Variants in LCORL observed in about 807,000 individuals in gnomAD.
LCORL encodes the protein ligand-dependent nuclear receptor corepressor-like protein.
LCORL carries 41 observed loss-of-function variants against 141.8 expected under a neutral mutation model. That is an observed-to-expected ratio of 0.29 (90% CI 0.23 to 0.38). The LOEUF is 0.38. LCORL is among the 10% of genes least tolerant of loss of function. The pLI, the probability that LCORL is intolerant of heterozygous loss-of-function variation, is 1.00. For synonymous variants in LCORL, 618 were observed against 694.1 expected (o/e 0.89, Z 1.72); for missense variants, 1,759 against 2,035.0 (o/e 0.86, Z 2.61).
intron 1 of LCORL, among the ~76,000 whole-genome samples, chr4:18,001,967 C>T (rs2109830816): frequency 6.6e-6 from 1 of 152,120 alleles, no homozygotes; most frequent in East Asian, 1.9e-4. Context: ...CTATATCCAT[C>T]CACACACATA....
At chr4:17,870,376 C>T (rs1037224243) in intron 7 of LCORL, among the ~76,000 whole-genome samples, 5 of 152,152 alleles carry the variant, frequency 3.3e-5, no homozygotes, top group African/African-American at 1.2e-4. Context: ...TGAAAACACT[C>T]CTCTTCCAAC....
intron 5 of LCORL, among the ~76,000 whole-genome samples, chr4:17,887,178 T>C (rs1309767519): frequency 6.6e-6 from 1 of 152,006 alleles, no homozygotes; most frequent in African/African-American, 2.4e-5. Context: ...CAATAATTTA[T>C]TGAGCGCTCA....
intron 4 of LCORL, among the ~76,000 whole-genome samples, chr4:17,941,267 T>G (rs141922033): frequency 2.0e-5 from 3 of 152,186 alleles, no homozygotes; most frequent in Non-Finnish European, 4.4e-5. Flanking sequence ...TCCCACCTAC[T>G]CGGGAGGCTG....
At chr4:17,855,415 T>C (rs1042152400) in intron 7 of LCORL, among the ~76,000 whole-genome samples, 16 of 152,310 alleles carry the variant, frequency 1.1e-4, no homozygotes, top group African/African-American at 3.4e-4. Context: ...CTGCAAAAAC[T>C]GACATGGTTT....
intron 4 of LCORL, among the ~76,000 whole-genome samples, chr4:17,948,202 A>AGG (rs1428378499): frequency 6.6e-6 from 1 of 152,002 alleles, no homozygotes; most frequent in Non-Finnish European, 1.5e-5. Context: ...AATAGGATTG[A>AGG]GGGGACCTGG....
chr4:17,895,983 A>T, intron 5 of LCORL, among the ~76,000 whole-genome samples: 1 of 152,178 alleles, frequency 6.6e-6, no homozygotes, highest in East Asian at 1.9e-4. Context: ...GGCTATTATG[A>T]ATAATGCTGT....
chr4:17,967,416 T>C (rs1459249061), intron 2 of LCORL, among the ~76,000 whole-genome samples: 1 of 152,142 alleles, frequency 6.6e-6, no homozygotes, highest in African/African-American at 2.4e-5. Context: ...GGAATTTTGT[T>C]AATAATAATT....
At chr4:17,934,569 T>C (rs1363727526) in intron 4 of LCORL, among the ~76,000 whole-genome samples, 2 of 152,178 alleles carry the variant, frequency 1.3e-5, no homozygotes, top group East Asian at 3.8e-4. Flanking sequence ...AGAGATGCTA[T>C]TTATTCCTTA....
intron 1 of LCORL, among the ~76,000 whole-genome samples, chr4:17,987,040 G>A (rs545325614): frequency 1.3e-5 from 2 of 152,158 alleles, no homozygotes; most frequent in Admixed American, 6.5e-5. Context: ...GTGAATACGA[G>A]TGTGCATTTG....
chr4:17,960,449 G>A (rs1030731841), intron 4 of LCORL: 2 of 153,796 alleles, frequency 1.3e-5, no homozygotes, highest in African/African-American at 4.8e-5. Context: ...AAAGGAAAAA[G>A]AGACTGAGTA....
At chr4:17,899,281 T>C (rs1000454446) in intron 5 of LCORL, among the ~76,000 whole-genome samples, 1 of 152,218 alleles carries the variant, frequency 6.6e-6, no homozygotes, top group Admixed American at 6.5e-5. Flanking sequence ...CTTTTGTTTA[T>C]ACATTGAAAT....
intron 4 of LCORL, among the ~76,000 whole-genome samples, chr4:17,913,563 G>A (rs967375694): frequency 1.3e-5 from 2 of 152,122 alleles, no homozygotes; most frequent in South Asian, 2.1e-4. Flanking sequence ...AAGAAATAAC[G>A]TCTGTTTATT....
chr4:18,012,642 C>T (rs1723983466), intron 1 of LCORL, among the ~76,000 whole-genome samples: 1 of 152,030 alleles, frequency 6.6e-6, no homozygotes, highest in South Asian at 2.1e-4. Flanking sequence ...ACACATACCA[C>T]ATCTCAGTAA....
chr4:17,844,591 A>ATGAT (rs1189707974), exon 8 of LCORL: 1 of 152,420 alleles, frequency 6.6e-6, no homozygotes, highest in African/African-American at 2.4e-5. Flanking sequence ...TTAAAAATAG[A>ATGAT]TGATTGTTCT....
chr4:17,858,742 A>AATAATAATAATC (rs1405964465), intron 7 of LCORL, among the ~76,000 whole-genome samples: 1 of 151,306 alleles, frequency 6.6e-6, no homozygotes, highest in African/African-American at 2.4e-5. Flanking sequence ...TAATAATAAT[A>AATAATAATAATC]ATAATAATAA....
chr4:17,842,987 G>GA, exon 8 of LCORL: 1 of 177,834 alleles, frequency 5.6e-6, no homozygotes, highest in Non-Finnish European at 1.2e-5. Context: ...GAGTTTCAAA[G>GA]AAATCTCTTT....
At chr4:17,846,134 A>C (rs1188991392) in intron 7 of LCORL, among the ~76,000 whole-genome samples, 1 of 152,170 alleles carries the variant, frequency 6.6e-6, no homozygotes, top group Non-Finnish European at 1.5e-5. Context: ...CTGAAAAAGT[A>C]ACATTGCATA....
intron 1 of LCORL, among the ~76,000 whole-genome samples, chr4:18,006,557 T>C (rs1366689915): frequency 6.6e-6 from 1 of 152,158 alleles, no homozygotes; most frequent in Non-Finnish European, 1.5e-5. Context: ...GAAAGAGGTT[T>C]ATGGGATTTA....
intron 5 of LCORL, chr4:17,893,560 A>G: frequency 3.0e-6 from 3 of 985,252 alleles, no homozygotes; most frequent in Non-Finnish European, 3.6e-6. Flanking sequence ...GAAGGACTGA[A>G]CACAGGAGCA....
Sources: gnomAD v4.1 joint callset for allele counts (sites outside exome capture counted in the v4.1 genomes callset) on GRCh38, gnomAD v4.1.1 for gene constraint, MANE v1.5 for transcripts, NCBI Gene and HGNC (gene_info 2026-07-23, HGNC 2026-07-21) for gene names.